Variants in GLP2R observed in about 807,000 individuals in gnomAD.
The protein encoded by GLP2R is glucagon like peptide 2 receptor.
Under a neutral mutation model 68.2 loss-of-function variants are expected in GLP2R, and 59 were observed. The ratio of observed to expected loss-of-function variants is 0.87; its 90% CI spans 0.70 to 1.07. The LOEUF (loss-of-function observed/expected upper bound fraction) is 1.07, where lower values mean the gene tolerates loss of function less well. Ranked by LOEUF, GLP2R falls within the 50% of genes least tolerant of loss-of-function variation. The pLI, the probability that GLP2R is intolerant of heterozygous loss-of-function variation, is 0.00. For synonymous variants in GLP2R, 270 were observed against 265.4 expected (o/e 1.02, Z -0.17); for missense variants, 548 against 677.4 (o/e 0.81, Z 2.12).
rs780243421 is a variant in GLP2R, at chr17:9,854,530, G to A, written c.540G>A (p.Leu180=). The A allele has an allele frequency of 3.7e-6, 6 of 1,612,424 alleles. No homozygotes were observed. In the East Asian group the frequency reaches 6.7e-5, roughly 18 times the overall value. ...ATGCCTTGCTGTCAACCTTGCAGCT[G>A]ATGTACACCGTGGGATACTCCTTCT... The part of the protein sequence containing the change: ...DRYALLSTLQ[L]MYTVGYSFSL... The change falls in exon 5 of 13, where the codon CTG becomes CTA. Residue 180 remains leucine (L), a synonymous_variant. Coordinates refer to ENST00000262441, the MANE Select transcript of GLP2R (RefSeq NM_004246.3).
intron 11 of GLP2R, among the ~76,000 whole-genome samples, chr17:9,882,066 G>A (rs2067201867): frequency 6.6e-6 from 1 of 151,298 alleles, no homozygotes; most frequent in Non-Finnish European, 1.5e-5. Context: ...GAAATGAGAA[G>A]GATTCAGTCA....
At chr17:9,869,019 C>T (rs1389562851) in intron 9 of GLP2R, among the ~76,000 whole-genome samples, 1 of 152,220 alleles carries the variant, frequency 6.6e-6, no homozygotes, top group African/African-American at 2.4e-5. Flanking sequence ...TATTCTTTGG[C>T]TAGGAACCTC....
chr17:9,869,408 C>T (rs568426582), intron 9 of GLP2R, among the ~76,000 whole-genome samples: 1 of 152,258 alleles, frequency 6.6e-6, no homozygotes, highest in East Asian at 1.9e-4. Context: ...ACGGACCCCC[C>T]TCTCCTGCCC....
At chr17:9,856,836 G>A (rs577368682) in intron 5 of GLP2R, among the ~76,000 whole-genome samples, 1 of 152,244 alleles carries the variant, frequency 6.6e-6, no homozygotes, top group East Asian at 1.9e-4. Context: ...CTCCAGTGGT[G>A]GTAAGGAGTA....
At position 9,880,427 on chromosome 17, in the gene GLP2R, A is replaced by G. The variant is rs1457417702; in HGVS notation, c.1195A>G (p.Ile399Val). 6.2e-7 allele frequency: 1 copy of G among 1,601,978 alleles called. No individual in the cohort carries two copies. Among genetic ancestry groups the G allele is most frequent in the Admixed American group, 1.7e-5 (1 of 59,524 alleles). The change falls in exon 11 of 13, where the codon ATC becomes GTC. Residue 399 changes from isoleucine (I) to valine (V), a missense_variant. Physicochemically the swap from Ile to Val is conservative, Grantham distance 29 (BLOSUM62 3). Transcript: ENST00000262441. ...VLIPLLGVHE[I>V]LFSFITDDQV... ...CATTCCTTTATTGGGCGTTCATGAG[A>G]TCCTCTTCTCTTTCATCACTGATGA...
At chr17:9,828,779 C>A (rs994040271) in intron 1 of GLP2R, among the ~76,000 whole-genome samples, 1 of 152,092 alleles carries the variant, frequency 6.6e-6, no homozygotes, top group East Asian at 1.9e-4. Context: ...AGCCTCGGGC[C>A]GGCTTACCAG....
At chr17:9,862,137 T>G (rs2066993035) in intron 9 of GLP2R, 47 bp downstream of exon 9, 1 of 1,404,058 alleles carries the variant, frequency 7.1e-7, no homozygotes, top group Admixed American at 1.7e-5. Context: ...CTAGCAGCTG[T>G]GGGGAATCCC....
intron 9 of GLP2R, among the ~76,000 whole-genome samples, chr17:9,868,768 A>T (rs1567732480): frequency 6.6e-6 from 1 of 152,190 alleles, no homozygotes; most frequent in Non-Finnish European, 1.5e-5. Context: ...GAGAACAGTG[A>T]ATCAACATGC....
chr17:9,888,972 A>G (rs2067266713), intron 12 of GLP2R, among the ~76,000 whole-genome samples: 1 of 152,148 alleles, frequency 6.6e-6, no homozygotes, highest in Non-Finnish European at 1.5e-5. Context: ...CCCATTATGT[A>G]CTTCCACTTA....
intron 2 of GLP2R, among the ~76,000 whole-genome samples, chr17:9,835,179 C>T (rs2066715698): frequency 6.6e-6 from 1 of 151,996 alleles, no homozygotes; most frequent in South Asian, 2.1e-4. Context: ...CAGGCGCCCG[C>T]CACCACTCCC....
At chr17:9,861,856 A>G (rs2066990390) in intron 8 of GLP2R, among the ~76,000 whole-genome samples, 165 bp from the exon 9 acceptor site, 1 of 152,258 alleles carries the variant, frequency 6.6e-6, no homozygotes, top group South Asian at 2.1e-4. Context: ...ACTAACAGGA[A>G]GGGATTTGGG....
rs1246265317 is a variant in GLP2R, at chr17:9,889,604, C to G, written c.1561C>G (p.His521Asp). 1.9e-6 allele frequency: 3 copies of G among 1,614,014 alleles called. No individual in the cohort carries two copies. In the South Asian group the frequency reaches 3.3e-5, roughly 18 times the overall value. Residue 521 changes from histidine to aspartate, a missense_variant, in exon 13 of 13, where the codon CAT becomes GAT. His to Asp is a moderately conservative substitution (Grantham distance 81, BLOSUM62 -1). Coordinates refer to ENST00000262441, the MANE Select transcript of GLP2R (RefSeq NM_004246.3). ...GCTGGGCGCCCAGCCCCAACAGGAC[C>G]ATGCACGCTGGCCCCGGGGCAGCAG... ...GELGAQPQQD[H>D]ARWPRGSSLS...
intron 10 of GLP2R, among the ~76,000 whole-genome samples, chr17:9,879,789 T>A (rs1015730848): frequency 1.4e-4 from 21 of 152,120 alleles, no homozygotes; most frequent in Non-Finnish European, 5.9e-5. Context: ...GCCCTCACTA[T>A]CACCAGGGTT....
chr17:9,848,835 T>C (rs990719348), intron 4 of GLP2R, among the ~76,000 whole-genome samples: 1 of 150,810 alleles, frequency 6.6e-6, no homozygotes. Flanking sequence ...CTGGGGGTCC[T>C]TATGCATGTT....
At chr17:9,871,753 T>C (rs1485279937) in intron 10 of GLP2R, among the ~76,000 whole-genome samples, 2 of 141,688 alleles carry the variant, frequency 1.4e-5, no homozygotes, top group Non-Finnish European at 3.0e-5. Flanking sequence ...TGACAGAGTC[T>C]TGCTCTTGTC....
At position 9,890,500 on chromosome 17, in the gene GLP2R, G is replaced by A. The variant is rs922899454; in HGVS notation, c.*795G>A. On this transcript the variant is annotated 3_prime_UTR_variant, in exon 13 of 13. Coordinates refer to ENST00000262441, the MANE Select transcript of GLP2R (RefSeq NM_004246.3). ...CCTCCCTTTGAGGATTGGCCCCAGT[G>A]CCTGGGGACCCTCTGAATGTCGTCT... is the stretch of plus-strand genomic sequence containing the variant. 1.3e-5 allele frequency: 2 copies of A among 156,794 alleles called. No homozygotes were observed. Among genetic ancestry groups the A allele is most frequent in the African/African-American group, 4.8e-5 (2 of 41,462 alleles). The allele number at this position is 156,794 out of a possible 1,614,324, so 9.7% of individuals were successfully genotyped here.
chr17:9,833,793 T>G lies in GLP2R; in HGVS notation c.190-14T>G. 1 of 1,576,838 alleles carries G rather than the reference T, an allele frequency of 6.3e-7. No individual in the cohort carries two copies. The highest frequency in any genetic ancestry group is 8.7e-7 in the Non-Finnish European group (1 of 1,150,850). On this transcript the variant is annotated splice_polypyrimidine_tract_variant and intron_variant, in intron 1 of 12. Coordinates refer to ENST00000262441, the MANE Select transcript of GLP2R (RefSeq NM_004246.3). ...GCTTGGTCACTGGGGGTGACCATGTTTTTGTTTGCTCAGGTTACAGGATCC... is the reference window on the plus strand; with the variant it reads ...GCTTGGTCACTGGGGGTGACCATGTGTTTGTTTGCTCAGGTTACAGGATCC...
At chr17:9,865,657 G>T (rs1014417126) in intron 9 of GLP2R, among the ~76,000 whole-genome samples, 2 of 152,146 alleles carry the variant, frequency 1.3e-5, no homozygotes, top group East Asian at 1.9e-4. Context: ...CCCCAGGTCT[G>T]CCTGATAAAT....
At chr17:9,870,288 C>T (rs1044938379) in intron 9 of GLP2R, among the ~76,000 whole-genome samples, 2 of 152,110 alleles carry the variant, frequency 1.3e-5, no homozygotes, top group African/African-American at 4.8e-5. Flanking sequence ...GTTGTAAAAA[C>T]TAGATACAAG....
Sources: allele counts gnomAD v4.1 joint callset (sites outside exome capture counted in the v4.1 genomes callset), GRCh38; gene constraint gnomAD v4.1.1; transcripts MANE v1.5; gene names NCBI Gene and HGNC (gene_info 2026-07-23, HGNC 2026-07-21).